MAP6D1: variants seen among roughly 807,000 people sequenced by gnomAD.
MAP6D1 encodes the protein MAP6 domain containing 1.
In MAP6D1, 13 loss-of-function variants were observed where a neutral mutation model predicts 17.4. That is an observed-to-expected ratio of 0.75 (90% CI 0.49 to 1.19). The LOEUF is 1.19. Among genes scored for constraint, MAP6D1 ranks in the 50% most tolerant of loss-of-function variants. The probability of loss-of-function intolerance (pLI) is 0.00; values close to 1 mark genes in which losing one functional copy is unlikely to be tolerated. For synonymous variants in MAP6D1, 141 were observed against 145.7 expected (o/e 0.97, Z 0.23); for missense variants, 313 against 312.6 (o/e 1.00, Z -0.01).
At position 183,816,020 on chromosome 3, in the gene MAP6D1, G is replaced by A. The variant is rs1349971858; in HGVS notation, c.*1336C>T. ...CTTTTCTCTTAGAAAAATCAAACAT[G>A]CAAGCCGTGAAGTCAGGAATAGCTG... On this transcript the variant is annotated 3_prime_UTR_variant, in exon 3 of 3. Transcript: ENST00000318631. The A allele has an allele frequency of 1.3e-5, 2 of 152,232 alleles. No homozygotes were observed. Among genetic ancestry groups the A allele is most frequent in the African/African-American group, 4.8e-5 (2 of 41,450 alleles). 9.4% of individuals were successfully genotyped at this position (152,232 alleles called of 1,614,324 possible).
intron 1 of MAP6D1, among the ~76,000 whole-genome samples, chr3:183,821,997 G>A (rs1014278891): frequency 1.3e-5 from 2 of 152,032 alleles, no homozygotes; most frequent in African/African-American, 2.4e-5. Flanking sequence ...AGTAACTTCT[G>A]TGATAAGCAT....
rs187650671 is a variant in MAP6D1 at position 183,823,473 on chromosome 3, C to G, written c.401+1674G>C. ...AAAATTAGCTGGGCGTGATGGCACACACCTATAATCCCAGCTACTCAGGAA... is the reference window on the plus strand; with the variant it reads ...AAAATTAGCTGGGCGTGATGGCACAGACCTATAATCCCAGCTACTCAGGAA... On this transcript the variant is annotated intron_variant, in intron 1 of 2. Transcript: ENST00000318631. Among the ~76,000 whole-genome samples, 731 of 152,252 alleles carry G rather than the reference C, an allele frequency of 4.8e-3. 4 individuals carry two copies. The highest frequency in any genetic ancestry group is 8.6e-3 in the Non-Finnish European group (588 of 68,002).
Position 183,825,230 on chromosome 3 carries a change from C to A in MAP6D1, c.318G>T (p.Ala106=). 7 of 1,416,152 alleles carry A rather than the reference C, an allele frequency of 4.9e-6. No homozygotes were observed. The highest frequency in any genetic ancestry group is 6.5e-6 in the Non-Finnish European group (7 of 1,084,022). The allele number at this position is 1,416,152 out of a possible 1,614,324, so 87.7% of individuals were successfully genotyped here. The change falls in exon 1 of 3, where the codon GCG becomes GCT. Residue 106 remains alanine, a synonymous_variant. Coordinates refer to ENST00000318631, the MANE Select transcript of MAP6D1 (RefSeq NM_024871.4). Reference sequence around the variant, plus strand: ...CCCCGCGGGCGCCGGGCGCAGGTGGCGCGGAGGACTGCGCGGAGGATTTGC... The same window carrying A: ...CCCCGCGGGCGCCGGGCGCAGGTGGAGCGGAGGACTGCGCGGAGGATTTGC... ...RRGKSSAQSS[A]PPAPGARGVY... is the part of the protein sequence containing the mutation.
At position 183,817,453 on chromosome 3, in the gene MAP6D1, G is replaced by T. The variant is rs1244027406; in HGVS notation, c.520-17C>A. 1.9e-6 allele frequency: 3 copies of T among 1,554,414 alleles called. No homozygotes were observed. The highest frequency in any genetic ancestry group is 1.2e-5 in the South Asian group (1 of 84,224). On this transcript the variant is annotated splice_polypyrimidine_tract_variant and intron_variant, in intron 2 of 2. Transcript: ENST00000318631. ...CTCTGGGACCTGAAAAATGAAGTGT[G>T]GCCACATATCAGTGGGACTTTTCCT...
intron 1 of MAP6D1, among the ~76,000 whole-genome samples, chr3:183,823,311 G>A (rs974114175): frequency 6.6e-6 from 1 of 151,696 alleles, no homozygotes; most frequent in Non-Finnish European, 1.5e-5. Flanking sequence ...CTTTTAGAAG[G>A]AGTCCCTCAT....
At position 183,825,270 on chromosome 3, in the gene MAP6D1, GC is replaced by G; in HGVS notation, c.277del (p.Ala93ArgfsTer37). ...KDPPPGRGPG[A>X]GGRRGKSSAQ... ...GGAGGATTTGCCCCTGCGGCCGCCC[GC>G]CCCCGGTCCGCGCCCCGGCGGCGGA... On this transcript the variant is annotated frameshift_variant, in exon 1 of 3. Coordinates refer to ENST00000318631, the MANE Select transcript of MAP6D1 (RefSeq NM_024871.4). LOFTEE classifies it high-confidence loss of function. The G allele has an allele frequency of 4.5e-6, 6 of 1,342,542 alleles. No individual in the cohort carries two copies. The highest frequency in any genetic ancestry group is 2.1e-5 in the South Asian group (1 of 48,014). 83.2% of individuals were successfully genotyped at this position (1,342,542 alleles called of 1,614,324 possible).
rs1172311031 is a variant in MAP6D1 at position 183,825,504 on chromosome 3, C to T, written c.44G>A (p.Arg15His). The part of the protein sequence containing the change: ...CISRLCCLAR[R>H]WNQLDRSDVA... ...GTCGGAGCGGTCCAGCTGGTTCCAGCGCCGCGCCAGGCAGCACAGGCGGCT... is the reference window on the plus strand; with the variant it reads ...GTCGGAGCGGTCCAGCTGGTTCCAGTGCCGCGCCAGGCAGCACAGGCGGCT... The change falls in exon 1 of 3, where the codon CGC (arginine) becomes CAC (histidine). Residue 15 changes from arginine to histidine, a missense_variant. Transcript: ENST00000318631. 12 of 1,397,004 alleles carry T rather than the reference C, an allele frequency of 8.6e-6. No homozygotes were observed. Among genetic ancestry groups the T allele is most frequent in the Non-Finnish European group, 1.1e-5 (12 of 1,075,310 alleles). The allele number at this position is 1,397,004 out of a possible 1,614,324, so 86.5% of individuals were successfully genotyped here. A position where few individuals can be genotyped will look rare whatever the true frequency, so the allele number is the denominator to read the frequency against.
At chr3:183,818,232 G>A (rs762164130) in intron 1 of MAP6D1, 121 bp from the exon 2 acceptor site, 56 of 787,290 alleles carry the variant, frequency 7.1e-5, no homozygotes, top group Admixed American at 1.4e-4. Context: ...TCGGCTCCAG[G>A]CAGTCCTCAT....
intron 1 of MAP6D1, among the ~76,000 whole-genome samples, chr3:183,820,906 C>CAAAT (rs1042399148): frequency 1.4e-5 from 2 of 147,338 alleles, no homozygotes; most frequent in African/African-American, 2.5e-5. Context: ...GACTCCATCT[C>CAAAT]AAATAAATAA....
intron 1 of MAP6D1, among the ~76,000 whole-genome samples, chr3:183,823,125 G>T (rs1727296803): frequency 6.6e-6 from 1 of 152,208 alleles, no homozygotes; most frequent in South Asian, 2.1e-4. Context: ...CTCCCAAGTA[G>T]CTGGAATCAC....
Position 183,817,051 on chromosome 3 carries a change from C to G in MAP6D1, c.*305G>C, listed in dbSNP as rs1231493836. Reference sequence around the variant, plus strand: ...TCAGCTTCCATGGACCAATTCGGTTCCCAACTGACTTGATCCTCAGGCTCC... The same window carrying G: ...TCAGCTTCCATGGACCAATTCGGTTGCCAACTGACTTGATCCTCAGGCTCC... On this transcript the variant is annotated 3_prime_UTR_variant, in exon 3 of 3. Transcript: ENST00000318631. The G allele has an allele frequency of 5.0e-6, 2 of 402,396 alleles. No homozygotes were observed. Among genetic ancestry groups the G allele is most frequent in the Non-Finnish European group, 9.2e-6 (2 of 216,518 alleles). 24.9% of individuals were successfully genotyped at this position (402,396 alleles called of 1,614,324 possible). A position where few individuals can be genotyped will look rare whatever the true frequency, so the allele number is the denominator to read the frequency against.
Position 183,825,479 on chromosome 3 carries a change from G to A in MAP6D1, c.69C>T (p.Asp23=), listed in dbSNP as rs1416798490. 2.8e-6 allele frequency: 4 copies of A among 1,428,110 alleles called. No individual in the cohort carries two copies. In the South Asian group the frequency reaches 5.6e-5, roughly 20 times the overall value. The allele number at this position is 1,428,110 out of a possible 1,614,324, so 88.5% of individuals were successfully genotyped here. The change falls in exon 1 of 3, where the codon GAC becomes GAT. Residue 23 remains aspartate (D), a synonymous_variant. Coordinates refer to ENST00000318631, the MANE Select transcript of MAP6D1 (RefSeq NM_024871.4). Reference sequence around the variant, plus strand: ...CGTGCAGAGTGAGCGGCACCGCCACGTCGGAGCGGTCCAGCTGGTTCCAGC... The same window carrying A: ...CGTGCAGAGTGAGCGGCACCGCCACATCGGAGCGGTCCAGCTGGTTCCAGC... The part of the protein sequence containing the change: ...ARRWNQLDRS[D]VAVPLTLHGY...
chr3:183,817,809 C>T (rs1022844782), intron 2 of MAP6D1, among the ~76,000 whole-genome samples, 185 bp downstream of exon 2: 8 of 152,218 alleles, frequency 5.3e-5, no homozygotes, highest in African/African-American at 1.2e-4. Flanking sequence ...GAGAGGCCAA[C>T]GCTAGAGGGC....
chr3:183,817,497 C>T, intron 2 of MAP6D1, 61 bp from the exon 3 acceptor site: 2 of 1,427,236 alleles, frequency 1.4e-6, no homozygotes, highest in South Asian at 2.6e-5. Flanking sequence ...TACTCTTCCC[C>T]ACTACCCAGC....
rs115705307 is a variant in MAP6D1, at chr3:183,823,635, A to T, written c.401+1512T>A. ...AAAAATCAAAAATAAAAATAAAAAT[A>T]AAAATTAACTGGGCATGGTGGCACA... On this transcript the variant is annotated intron_variant, in intron 1 of 2. Transcript: ENST00000318631. Among the ~76,000 whole-genome samples, 1,377 of 151,642 alleles carry T rather than the reference A, an allele frequency of 9.1e-3. 13 individuals carry two copies. The highest frequency in any genetic ancestry group is 0.038 in the Middle Eastern group (11 of 288).
Position 183,825,380 on chromosome 3 carries a change from G to C in MAP6D1, c.168C>G (p.Gly56=). The change falls in exon 1 of 3, where the codon GGC becomes GGG. Residue 56 remains glycine (G), a synonymous_variant. Coordinates refer to ENST00000318631, the MANE Select transcript of MAP6D1 (RefSeq NM_024871.4). ...AASRRGQPPA[G]ARDSGRDVPL... ...GCACGTCCCGGCCGGAATCCCGGGC[G>C]CCCGCGGGAGGCTGGCCCCTGCGCG... 1 of 1,442,388 alleles carries C rather than the reference G, an allele frequency of 6.9e-7. No individual in the cohort carries two copies. 89.3% of individuals were successfully genotyped at this position (1,442,388 alleles called of 1,614,324 possible). A position where few individuals can be genotyped will look rare whatever the true frequency, so the allele number is the denominator to read the frequency against.
chr3:183,819,620 T>C (rs1309805999), intron 1 of MAP6D1, among the ~76,000 whole-genome samples: 2 of 152,208 alleles, frequency 1.3e-5, no homozygotes, highest in Non-Finnish European at 2.9e-5. Context: ...GACTCATGGC[T>C]CAGGCCAAGA....
chr3:183,819,578 G>C (rs1017605691), intron 1 of MAP6D1, among the ~76,000 whole-genome samples: 2 of 152,216 alleles, frequency 1.3e-5, no homozygotes, highest in African/African-American at 4.8e-5. Context: ...GAATGGGCAG[G>C]ACCCGGTGAC....
In MAP6D1 at chr3:183,817,328, G is replaced by T; in HGVS notation, c.*28C>A. Reference sequence around the variant, plus strand: ...GGCCGCTCCCCAGCCCTGTCCTGTCGGCAGCCATGGTGTCACGGTGCAGGC... The same window carrying T: ...GGCCGCTCCCCAGCCCTGTCCTGTCTGCAGCCATGGTGTCACGGTGCAGGC... On this transcript the variant is annotated 3_prime_UTR_variant, in exon 3 of 3. Coordinates refer to ENST00000318631, the MANE Select transcript of MAP6D1 (RefSeq NM_024871.4). The T allele has an allele frequency of 6.4e-7, 1 of 1,552,068 alleles. No homozygotes were observed.
Sources: gnomAD v4.1 joint callset for allele counts (sites outside exome capture counted in the v4.1 genomes callset) on GRCh38, gnomAD v4.1.1 for gene constraint, MANE v1.5 for transcripts, NCBI Gene and HGNC (gene_info 2026-07-23, HGNC 2026-07-21) for gene names.